WWOX: variants seen among roughly 807,000 people sequenced by gnomAD.
The protein encoded by WWOX is WW domain containing oxidoreductase, also known as WW domain-containing oxidoreductase.
WWOX carries 69 observed loss-of-function variants against 46.2 expected under a neutral mutation model. The ratio of observed to expected loss-of-function variants is 1.49; its 90% CI spans 1.23 to 1.82. The LOEUF (loss-of-function observed/expected upper bound fraction) is 1.82, where lower values mean the gene tolerates loss of function less well. Among genes scored for constraint, WWOX ranks in the 40% most tolerant of loss-of-function variants. The pLI is 0.00. For missense variants in WWOX, 919 were observed against 542.6 expected, an observed-to-expected ratio of 1.69 and a Z score of -6.89; for synonymous variants, 359 against 202.6, an observed-to-expected ratio of 1.77 and a Z score of -6.56.
intron 5 of WWOX, among the ~76,000 whole-genome samples, chr16:78,246,150 G>C (rs546504895): frequency 9.2e-5 from 14 of 152,152 alleles, no homozygotes; most frequent in Admixed American, 3.3e-4. Context: ...TTAAAGGCTG[G>C]ATTTTCTTTC....
chr16:78,565,491 C>A (rs999959998), intron 8 of WWOX, among the ~76,000 whole-genome samples: 1 of 152,178 alleles, frequency 6.6e-6, no homozygotes, highest in Admixed American at 6.5e-5. Flanking sequence ...TTCCGTTGTC[C>A]CATCACATTC....
chr16:78,601,927 AATC>A (rs1452626277), intron 8 of WWOX, among the ~76,000 whole-genome samples: 2 of 152,184 alleles, frequency 1.3e-5, no homozygotes, highest in Non-Finnish European at 2.9e-5. Context: ...TTATTAGCGA[AATC>A]ATCATCTGTT....
chr16:78,144,408 C>G (rs1044169136), intron 4 of WWOX, among the ~76,000 whole-genome samples: 1 of 106,034 alleles, frequency 9.4e-6, no homozygotes, highest in Admixed American at 1.1e-4. Context: ...TAGGGTGGTG[C>G]AAACGTGGTT....
intron 5 of WWOX, among the ~76,000 whole-genome samples, chr16:78,384,090 G>T (rs1233123722): frequency 6.6e-6 from 1 of 152,156 alleles, no homozygotes. Flanking sequence ...ATCTGGGAAT[G>T]TTCTTCCTGT....
chr16:78,948,740 G>A (rs1015017971), intron 8 of WWOX, among the ~76,000 whole-genome samples: 1 of 152,102 alleles, frequency 6.6e-6, no homozygotes, highest in Non-Finnish European at 1.5e-5. Flanking sequence ...TCCTCTGTTG[G>A]CATTACTCCT....
intron 5 of WWOX, among the ~76,000 whole-genome samples, chr16:78,384,045 T>A (rs1000767347): frequency 1.1e-4 from 16 of 152,244 alleles, no homozygotes; most frequent in Admixed American, 1.3e-4. Context: ...TTGGCTGTGC[T>A]ATCATTTTTG....
chr16:78,813,705 C>T (rs907784481), intron 8 of WWOX, among the ~76,000 whole-genome samples: 2 of 152,136 alleles, frequency 1.3e-5, no homozygotes, highest in Admixed American at 6.5e-5. Context: ...TGTTTGTTTT[C>T]TACTACCTGA....
chr16:78,679,114 C>T (rs1486168053), intron 8 of WWOX, among the ~76,000 whole-genome samples: 1 of 152,166 alleles, frequency 6.6e-6, no homozygotes, highest in Non-Finnish European at 1.5e-5. Flanking sequence ...TGTGGAGACA[C>T]CAGCGTCTTG....
At chr16:78,889,908 T>C (rs1386941452) in intron 8 of WWOX, among the ~76,000 whole-genome samples, 2 of 152,216 alleles carry the variant, frequency 1.3e-5, no homozygotes, top group Non-Finnish European at 2.9e-5. Flanking sequence ...TCCCACTGTT[T>C]ATAAGTCACC....
At chr16:78,145,729 CAT>C (rs2034176384) in intron 4 of WWOX, among the ~76,000 whole-genome samples, 1 of 152,310 alleles carries the variant, frequency 6.6e-6, no homozygotes, top group Admixed American at 6.5e-5. Context: ...TTCGTGTTCA[CAT>C]AGTCTCCTCA....
intron 8 of WWOX, among the ~76,000 whole-genome samples, chr16:78,772,031 C>T (rs35587783): frequency 0.43 from 65,840 of 151,878 alleles, 14,864 homozygotes; most frequent in Middle Eastern, 0.56. Flanking sequence ...TTAATTGGAC[C>T]TGTAATTCTT....
intron 8 of WWOX, among the ~76,000 whole-genome samples, chr16:79,034,848 C>G (rs542645931): frequency 6.6e-6 from 1 of 152,104 alleles, no homozygotes; most frequent in East Asian, 1.9e-4. Context: ...GTGTATTAGG[C>G]TAAGTATGGT....
At chr16:78,713,019 C>T (rs1056236938) in intron 8 of WWOX, among the ~76,000 whole-genome samples, 16 of 152,054 alleles carry the variant, frequency 1.1e-4, no homozygotes, top group Non-Finnish European at 1.3e-4. Flanking sequence ...CCTGTAATCC[C>T]AGTGCTTTGA....
At chr16:78,853,255 C>T (rs1016760362) in intron 8 of WWOX, among the ~76,000 whole-genome samples, 5 of 151,992 alleles carry the variant, frequency 3.3e-5, no homozygotes, top group Non-Finnish European at 7.4e-5. Flanking sequence ...CAGTCTTGAT[C>T]TGTCATCCAG....
intron 8 of WWOX, among the ~76,000 whole-genome samples, chr16:78,989,773 C>T (rs1567464199): frequency 6.7e-6 from 1 of 148,648 alleles, no homozygotes. Flanking sequence ...TGGGGCTGGC[C>T]CAGGAGGAAG....
At chr16:78,917,238 C>G (rs2045272987) in intron 8 of WWOX, among the ~76,000 whole-genome samples, 1 of 152,188 alleles carries the variant, frequency 6.6e-6, no homozygotes, top group South Asian at 2.1e-4. Flanking sequence ...TGCAGACCTC[C>G]CAAAGCTCAC....
intron 8 of WWOX, among the ~76,000 whole-genome samples, chr16:78,667,386 A>T (rs1216337525): frequency 6.6e-6 from 1 of 152,180 alleles, no homozygotes; most frequent in Non-Finnish European, 1.5e-5. Context: ...ATTAAAAATG[A>T]TATGATGGGT....
chr16:79,057,276 C>G (rs772513305), intron 8 of WWOX, among the ~76,000 whole-genome samples: 1 of 152,184 alleles, frequency 6.6e-6, no homozygotes, highest in Non-Finnish European at 1.5e-5. Flanking sequence ...TTTATTCCAG[C>G]TGATTCTCCC....
intron 8 of WWOX, among the ~76,000 whole-genome samples, chr16:78,642,744 A>C (rs1012935512): frequency 6.6e-6 from 1 of 152,160 alleles, no homozygotes; most frequent in Non-Finnish European, 1.5e-5. Flanking sequence ...GTGGGTGCAC[A>C]TCAGGATACC....
Sources: allele counts gnomAD v4.1 joint callset (sites outside exome capture counted in the v4.1 genomes callset), GRCh38; gene constraint gnomAD v4.1.1; transcripts MANE v1.5; gene names NCBI Gene and HGNC (gene_info 2026-07-23, HGNC 2026-07-21).